The following IGF2R variants were observed in gnomAD, a reference collection of about 807,000 sequenced individuals.
IGF2R encodes the protein insulin like growth factor 2 receptor, also known as cation-independent mannose-6-phosphate receptor.
A neutral mutation model predicts 270.6 loss-of-function variants in IGF2R; 91 were observed. The observed-to-expected ratio is 0.34, with a 90% confidence interval of 0.28 to 0.40. The LOEUF is 0.40. Among genes scored for constraint, IGF2R ranks in the 10% least tolerant of loss-of-function variants. The probability of loss-of-function intolerance (pLI) is 1.00; values close to 1 mark genes in which losing one functional copy is unlikely to be tolerated. For missense variants in IGF2R, 2,805 were observed against 3,188.3 expected (o/e 0.88, Z 2.90); for synonymous variants, 1,316 against 1,258.9 (o/e 1.05, Z -0.96).
At chr6:160,083,003 T>C (rs1779019360) in intron 39 of IGF2R, among the ~76,000 whole-genome samples, 1 of 152,122 alleles carries the variant, frequency 6.6e-6, no homozygotes, top group Non-Finnish European at 1.5e-5. Context: ...AGACAAAGTA[T>C]AGAGAAACAA....
chr6:160,063,967 G>A (rs1339626949), intron 27 of IGF2R, among the ~76,000 whole-genome samples: 1 of 152,226 alleles, frequency 6.6e-6, no homozygotes, highest in Non-Finnish European at 1.5e-5. Flanking sequence ...TGAGTCACAG[G>A]GAATGCATTT....
chr6:160,060,821 T>C, intron 23 of IGF2R, 104 bp downstream of exon 23: 2 of 1,070,420 alleles, frequency 1.9e-6, no homozygotes, highest in Non-Finnish European at 2.7e-6. Context: ...TGTGTGTGTG[T>C]GGTGTGTATG....
chr6:160,080,598 A>C (rs1778958317), intron 39 of IGF2R, among the ~76,000 whole-genome samples: 1 of 152,086 alleles, frequency 6.6e-6, no homozygotes, highest in Admixed American at 6.5e-5. Flanking sequence ...CAGGAAAATG[A>C]ATGTCTGCTA....
intron 2 of IGF2R, chr6:160,006,382 A>G (rs1319085823): frequency 1.3e-5 from 2 of 152,712 alleles, no homozygotes; most frequent in Non-Finnish European, 2.9e-5. Context: ...TGCCTCCCAG[A>G]CACGCCCACT....
At chr6:160,044,282 G>C (rs1411106761) in intron 12 of IGF2R, among the ~76,000 whole-genome samples, 1 of 152,190 alleles carries the variant, frequency 6.6e-6, no homozygotes, top group Non-Finnish European at 1.5e-5. Flanking sequence ...ACCTATGGAT[G>C]ACCCTGGAGG....
chr6:159,975,195 C>T (rs575325829), intron 1 of IGF2R, among the ~76,000 whole-genome samples: 2 of 152,290 alleles, frequency 1.3e-5, no homozygotes, highest in East Asian at 3.9e-4. Flanking sequence ...ATTTGGGGTT[C>T]CCAGAGTGCC....
At chr6:160,008,726 G>A (rs941109184) in intron 2 of IGF2R, among the ~76,000 whole-genome samples, 6 of 152,154 alleles carry the variant, frequency 3.9e-5, no homozygotes, top group Non-Finnish European at 5.9e-5. Context: ...GCAGGTAGTG[G>A]TTTTAGCGGG....
At chr6:159,992,193 C>T (rs373159459) in intron 2 of IGF2R, among the ~76,000 whole-genome samples, 227 of 152,300 alleles carry the variant, frequency 1.5e-3, no homozygotes, top group African/African-American at 5.3e-3. Context: ...GAGAAGCTTA[C>T]TGTGGTAGCT....
intron 2 of IGF2R, among the ~76,000 whole-genome samples, chr6:159,997,452 A>G (rs905420330): frequency 6.6e-6 from 1 of 152,136 alleles, no homozygotes; most frequent in Non-Finnish European, 1.5e-5. Flanking sequence ...CATAAGTGGT[A>G]GTCTGATGTA....
In IGF2R at chr6:160,045,863, G is replaced by A. The variant is rs560845050; in HGVS notation, c.1884G>A (p.Thr628=). 5.7e-6 allele frequency: 9 copies of A among 1,578,384 alleles called. No individual in the cohort carries two copies. Among genetic ancestry groups the A allele is most frequent in the South Asian group, 2.3e-5 (2 of 85,818 alleles). ...VLSKTEGENC[T]VFDSQAGFSF... ...CTAAGACAGAAGGGGAGAACTGCAC[G>A]GTCTTTGACTCCCAGGCAGGTCTGT... is the stretch of plus-strand genomic sequence containing the variant. The change falls in exon 14 of 48, where the codon ACG becomes ACA. Residue 628 remains threonine, a synonymous_variant. Transcript: ENST00000356956.
intron 13 of IGF2R, among the ~76,000 whole-genome samples, chr6:160,045,274 C>A (rs1778042147): frequency 6.6e-6 from 1 of 152,120 alleles, no homozygotes; most frequent in Admixed American, 6.5e-5. Context: ...ATTATGTATC[C>A]TCTCTCTACC....
chr6:160,104,092 A>C (rs1398325238), intron 47 of IGF2R, among the ~76,000 whole-genome samples: 1 of 152,124 alleles, frequency 6.6e-6, no homozygotes, highest in Admixed American at 6.5e-5. Context: ...AAAAAAAACA[A>C]AACACACACA....
intron 1 of IGF2R, among the ~76,000 whole-genome samples, chr6:159,984,700 G>A (rs1347573989): frequency 6.6e-6 from 1 of 152,140 alleles, no homozygotes; most frequent in Non-Finnish European, 1.5e-5. Flanking sequence ...TGATGTTTGA[G>A]CAGTGACAGA....
chr6:159,983,149 A>G (rs1214833891), intron 1 of IGF2R, among the ~76,000 whole-genome samples: 2 of 151,960 alleles, frequency 1.3e-5, no homozygotes, highest in Non-Finnish European at 2.9e-5. Context: ...AGCTTTTTGA[A>G]CTCTAGGCAG....
Position 160,060,625 on chromosome 6 carries a change from A to G in IGF2R, c.3170A>G (p.Asp1057Gly). Reference sequence around the variant, plus strand: ...GGGCCCCTCAAATTCCTGCATCAAGATATCGACTCTGGGCAAGGGATCCGA... The same window carrying G: ...GGGCCCCTCAAATTCCTGCATCAAGGTATCGACTCTGGGCAAGGGATCCGA... The part of the protein sequence containing the change: ...YSGPLKFLHQ[D>G]IDSGQGIRNT... The change falls in exon 23 of 48, where the codon GAT (aspartate) becomes GGT (glycine). Residue 1057 changes from aspartate (D) to glycine (G), a missense_variant. Asp to Gly is a moderately conservative substitution (Grantham distance 94). Coordinates refer to ENST00000356956, the MANE Select transcript of IGF2R (RefSeq NM_000876.4). The G allele has an allele frequency of 6.2e-7, 1 of 1,614,262 alleles. No homozygotes were observed. Among genetic ancestry groups the G allele is most frequent in the Non-Finnish European group, 8.5e-7 (1 of 1,180,042 alleles).
Position 160,012,755 on chromosome 6 carries a change from ATATATATATTTTTTTTTTTT to A in IGF2R, c.513+1972_513+1991del, listed in dbSNP as rs1430472214. Among the ~76,000 whole-genome samples the A allele has an allele frequency of 7.1e-4, 51 of 71,558 alleles. 2 individuals carry two copies. Among genetic ancestry groups the A allele is most frequent in the African/African-American group, 2.4e-3 (49 of 20,028 alleles). 46.9% of individuals were successfully genotyped at this position (71,558 alleles called of 152,430 possible). A position where few individuals can be genotyped will look rare whatever the true frequency, so the allele number is the denominator to read the frequency against. On this transcript the variant is annotated intron_variant, in intron 4 of 47. Transcript: ENST00000356956. ...CCATGCCCGGCTAATTTATATATAT[ATATATATATTTTTTTTTTTT>A]TTTGTTTGTTTGTTTGTTTATTTGT...
intron 8 of IGF2R, 28 bp downstream of exon 8, chr6:160,032,741 G>A (rs768382122): frequency 1.5e-5 from 24 of 1,609,102 alleles, no homozygotes; most frequent in Middle Eastern, 1.7e-4. Context: ...GCCTCCTGGC[G>A]CTGCTTAGGA....
At chr6:159,993,908 T>C (rs1784014023) in intron 2 of IGF2R, among the ~76,000 whole-genome samples, 1 of 151,998 alleles carries the variant, frequency 6.6e-6, no homozygotes, top group African/African-American at 2.4e-5. Flanking sequence ...TCCTTTTTTG[T>C]TGTGTCCTTG....
chr6:160,035,648 T>C (rs1390824419), intron 10 of IGF2R, among the ~76,000 whole-genome samples: 2 of 152,202 alleles, frequency 1.3e-5, no homozygotes, highest in Admixed American at 1.3e-4. Flanking sequence ...TTTGTTACTT[T>C]CACAATACAC....
Sources: gnomAD v4.1 joint callset for allele counts (sites outside exome capture counted in the v4.1 genomes callset) on GRCh38, gnomAD v4.1.1 for gene constraint, MANE v1.5 for transcripts, NCBI Gene and HGNC (gene_info 2026-07-23, HGNC 2026-07-21) for gene names.